Variants in CALN1 observed in about 807,000 individuals in gnomAD.
CALN1 encodes calcium-binding protein 8.
Under a neutral mutation model 30.6 loss-of-function variants are expected in CALN1, and 17 were observed. That is an observed-to-expected ratio of 0.56 (90% CI 0.38 to 0.83). The LOEUF is 0.83. CALN1 is among the 40% of genes least tolerant of loss of function. The pLI, the probability that CALN1 is intolerant of heterozygous loss-of-function variation, is 0.00. For synonymous variants in CALN1, 156 were observed against 131.4 expected (o/e 1.19, Z -1.28); for missense variants, 291 against 354.9 (o/e 0.82, Z 1.45).
In CALN1 at chr7:72,032,190, C is replaced by T. The variant is rs1328160151; in HGVS notation, c.389-8421G>A. ...TCTCCTGCCTCAGCCTCCTGAGTAG[C>T]TGGGACTACAGGCGCCCACCACTGC... On this transcript the variant is annotated intron_variant, in intron 4 of 6. Coordinates refer to ENST00000395275, the MANE Select transcript of CALN1 (RefSeq NM_031468.4). Among the ~76,000 whole-genome samples, 4 of 151,724 alleles carry T rather than the reference C, an allele frequency of 2.6e-5. No homozygotes were observed. In the East Asian group the frequency reaches 7.8e-4, roughly 30 times the overall value.
chr7:72,154,303 G>C (rs1011463065), intron 3 of CALN1, among the ~76,000 whole-genome samples: 6 of 151,820 alleles, frequency 4.0e-5, no homozygotes, highest in African/African-American at 1.5e-4. Context: ...CCTTGGCCAA[G>C]CCAAACTTGA....
At chr7:72,235,511 G>A (rs1347056569) in intron 3 of CALN1, among the ~76,000 whole-genome samples, 2 of 152,044 alleles carry the variant, frequency 1.3e-5, no homozygotes, top group Non-Finnish European at 2.9e-5. Flanking sequence ...GCTTGCAAAT[G>A]AAATCCTTCA....
At chr7:72,087,506 A>C (rs547821182) in intron 4 of CALN1, among the ~76,000 whole-genome samples, 1 of 152,336 alleles carries the variant, frequency 6.6e-6, no homozygotes, top group Non-Finnish European at 1.5e-5. Flanking sequence ...AAAGAGTGTT[A>C]GAAAAGTATC....
chr7:71,948,486 T>G (rs184887480), intron 5 of CALN1, among the ~76,000 whole-genome samples: 1 of 151,986 alleles, frequency 6.6e-6, no homozygotes, highest in African/African-American at 2.4e-5. Flanking sequence ...TCCCAGCACT[T>G]TGGGAGGCTG....
chr7:72,093,849 C>T (rs1057324133), intron 4 of CALN1, among the ~76,000 whole-genome samples: 4 of 152,200 alleles, frequency 2.6e-5, no homozygotes, highest in African/African-American at 4.8e-5. Context: ...CATCAAATCT[C>T]TTATGTGAAA....
intron 3 of CALN1, among the ~76,000 whole-genome samples, chr7:72,234,483 G>A (rs905998820): frequency 2.6e-5 from 4 of 151,908 alleles, no homozygotes; most frequent in Admixed American, 2.0e-4. Flanking sequence ...GTCTCGCTCT[G>A]TCACCGAGGC....
Position 71,997,149 on chromosome 7 carries a change from C to A in CALN1, c.501+26508G>T, listed in dbSNP as rs181990403. On this transcript the variant is annotated intron_variant, in intron 5 of 6. Coordinates refer to ENST00000395275, the MANE Select transcript of CALN1 (RefSeq NM_031468.4). ...GCGAGTGACTGAGGCAGGAGGATGG[C>A]TTGAGCCCAGGATTTGGGGGTTGCA... Among the ~76,000 whole-genome samples the A allele has an allele frequency of 2.0e-5, 3 of 152,024 alleles. No individual in the cohort carries two copies. The East Asian group carries it at 5.8e-4, about 29-fold the overall frequency.
chr7:72,502,400 CATATATATACA>C, the CALN1 span, among the ~76,000 whole-genome samples: 1 of 148,762 alleles, frequency 6.7e-6, no homozygotes, highest in African/African-American at 2.4e-5. Flanking sequence ...AAATATATTA[CATATATATACA>C]ATATATATTA....
chr7:72,330,607 C>T (rs2944822), intron 2 of CALN1, among the ~76,000 whole-genome samples: 54,309 of 152,038 alleles, frequency 0.36, 10,555 homozygotes, highest in Middle Eastern at 0.53. Context: ...TATAAGGGTA[C>T]CATCTCTGTC....
At chr7:72,179,644 C>A (rs1789615561) in intron 3 of CALN1, among the ~76,000 whole-genome samples, 3 of 152,052 alleles carry the variant, frequency 2.0e-5, no homozygotes. Context: ...GTCAAACTTG[C>A]TCAAAATGAC....
Position 72,412,233 on chromosome 7 carries a change from C to G in CALN1, c.-249G>C, listed in dbSNP as rs993311589. 1 of 152,146 alleles carries G rather than the reference C, an allele frequency of 6.6e-6. No homozygotes were observed. Among genetic ancestry groups the G allele is most frequent in the Admixed American group, 6.6e-5 (1 of 15,266 alleles). 9.4% of individuals were successfully genotyped at this position (152,146 alleles called of 1,614,324 possible). ...TCAAGAACGAAGACGCAGACCGCGGCCGTGAGCTTTAAAGGTGGCGCGGAC... is the reference window on the plus strand; with the variant it reads ...TCAAGAACGAAGACGCAGACCGCGGGCGTGAGCTTTAAAGGTGGCGCGGAC... On this transcript the variant is annotated 5_prime_UTR_variant, in exon 1 of 7. Coordinates refer to ENST00000395275, the MANE Select transcript of CALN1 (RefSeq NM_031468.4).
chr7:72,342,418 C>A (rs553204028), intron 2 of CALN1, among the ~76,000 whole-genome samples: 10 of 152,264 alleles, frequency 6.6e-5, no homozygotes, highest in African/African-American at 1.9e-4. Context: ...AACTTTTATT[C>A]AATATATGTG....
rs897977734 is a variant in CALN1 at position 72,190,222 on chromosome 7, G to A, written c.245-83928C>T. ...AACATACAAATTAGCTGGGCACGGTGGCACATCCAGCTACTTAGGAGGCTG... is the reference window on the plus strand; with the variant it reads ...AACATACAAATTAGCTGGGCACGGTAGCACATCCAGCTACTTAGGAGGCTG... On this transcript the variant is annotated intron_variant, in intron 3 of 6. Transcript: ENST00000395275. Among the ~76,000 whole-genome samples, 5 of 152,118 alleles carry A rather than the reference G, an allele frequency of 3.3e-5. No homozygotes were observed. The East Asian group carries it at 9.6e-4, about 29-fold the overall frequency.
chr7:72,198,376 G>A (rs1030011899), intron 3 of CALN1, among the ~76,000 whole-genome samples: 1 of 152,110 alleles, frequency 6.6e-6, no homozygotes, highest in South Asian at 2.1e-4. Context: ...AGGATCGCAG[G>A]TACCTTGCTT....
intron 5 of CALN1, among the ~76,000 whole-genome samples, chr7:72,002,045 T>C (rs1044435295): frequency 6.6e-6 from 1 of 152,124 alleles, no homozygotes; most frequent in South Asian, 2.1e-4. Context: ...CTGAACTTGG[T>C]AAAGAACAAC....
At chr7:72,107,013 A>T (rs994628376) in intron 3 of CALN1, among the ~76,000 whole-genome samples, 2 of 151,086 alleles carry the variant, frequency 1.3e-5, no homozygotes, top group African/African-American at 2.4e-5. Context: ...ATAGAAAGAA[A>T]GAAAGAGAAA....
chr7:71,953,902 G>T (rs1377389759), intron 5 of CALN1, among the ~76,000 whole-genome samples: 1 of 152,126 alleles, frequency 6.6e-6, no homozygotes, highest in South Asian at 2.1e-4. Flanking sequence ...GGGAGAGCTA[G>T]GCAGGCAAGG....
At position 71,787,904 on chromosome 7, in the gene CALN1, T is replaced by C. The variant is rs377414004; in HGVS notation, c.659-2A>G. 5 of 1,613,774 alleles carry C rather than the reference T, an allele frequency of 3.1e-6. No individual in the cohort carries two copies. The highest frequency in any genetic ancestry group is 4.2e-6 in the Non-Finnish European group (5 of 1,179,976). On this transcript the variant is annotated splice_acceptor_variant, in intron 6 of 6. Coordinates refer to ENST00000395275, the MANE Select transcript of CALN1 (RefSeq NM_031468.4). LOFTEE classifies it high-confidence loss of function. ...GTCTGTTCTGCTTCTGGGAATGCACTGGTGGTGGGAGAAGCAGGTGTGGGA... is the reference window on the plus strand; with the variant it reads ...GTCTGTTCTGCTTCTGGGAATGCACCGGTGGTGGGAGAAGCAGGTGTGGGA...
chr7:71,883,841 G>T (rs1249285492), intron 5 of CALN1, among the ~76,000 whole-genome samples: 1 of 152,132 alleles, frequency 6.6e-6, no homozygotes, highest in Non-Finnish European at 1.5e-5. Context: ...CGCTGCCCAA[G>T]ACACATACAT....
Sources: gnomAD v4.1 joint callset for allele counts (sites outside exome capture counted in the v4.1 genomes callset) on GRCh38, gnomAD v4.1.1 for gene constraint, MANE v1.5 for transcripts, NCBI Gene and HGNC (gene_info 2026-07-23, HGNC 2026-07-21) for gene names.